The following VTI1A variants were observed in gnomAD, a reference collection of about 807,000 sequenced individuals.
VTI1A encodes the protein vesicle transport through interaction with t-SNAREs 1A, also known as vesicle transport through interaction with t-SNAREs homolog 1A.
In VTI1A, 22 loss-of-function variants were observed where a neutral mutation model predicts 34.9. The observed-to-expected ratio is 0.63, with a 90% CI of 0.45 to 0.90. VTI1A has a LOEUF of 0.90. Among genes scored for constraint, VTI1A ranks in the 40% least tolerant of loss-of-function variants. The pLI, the probability that VTI1A is intolerant of heterozygous loss-of-function variation, is 0.00. For missense variants in VTI1A, 268 were observed against 275.6 expected, an observed-to-expected ratio of 0.97 and a Z score of 0.20; for synonymous variants, 87 against 97.3, an observed-to-expected ratio of 0.89 and a Z score of 0.62.
chr10:112,582,233 C>G (rs921047733), intron 5 of VTI1A, among the ~76,000 whole-genome samples: 10 of 152,140 alleles, frequency 6.6e-5, no homozygotes, highest in Non-Finnish European at 1.5e-5. Flanking sequence ...CCTGTCTCTT[C>G]TTATGCGGGC....
At chr10:112,505,237 G>A (rs1849385818) in intron 3 of VTI1A, among the ~76,000 whole-genome samples, 1 of 151,972 alleles carries the variant, frequency 6.6e-6, no homozygotes, top group African/African-American at 2.4e-5. Flanking sequence ...GTTTAATCCT[G>A]TTTGTCTTGT....
chr10:112,684,391 A>G (rs562163384), intron 7 of VTI1A, among the ~76,000 whole-genome samples: 20 of 148,724 alleles, frequency 1.3e-4, no homozygotes, highest in Middle Eastern at 3.5e-3. Flanking sequence ...CATAAACTAT[A>G]TTATTTGCTT....
rs1259545227 is a variant in VTI1A at position 112,767,685 on chromosome 10, TTTTTTTTTTC to T, written c.561-47603_561-47594del. Among the ~76,000 whole-genome samples, 1 of 150,232 alleles carries T rather than the reference TTTTTTTTTTC, an allele frequency of 6.7e-6. No homozygotes were observed. The highest frequency in any genetic ancestry group is 1.5e-5 in the Non-Finnish European group (1 of 67,632). On this transcript the variant is annotated intron_variant, in intron 7 of 7. Coordinates refer to ENST00000393077, the MANE Select transcript of VTI1A (RefSeq NM_145206.4). The surrounding 1 kb of genome is among the most constrained non-coding windows in gnomAD (Gnocchi z 4.0). ...GCCTACCTTATTTCTTCCTTACTCT[TTTTTTTTTTC>T]TGTTTCTCTGTATTCTCCCAATTTT...
the VTI1A span, among the ~76,000 whole-genome samples, chr10:112,828,666 G>A: frequency 0.79 from 120,318 of 151,702 alleles, 47,815 homozygotes; most frequent in South Asian, 0.84. Context: ...CAGCCTCCCA[G>A]AGTTCTGGGA....
intron 3 of VTI1A, among the ~76,000 whole-genome samples, chr10:112,482,995 T>A (rs2290966): frequency 1.3e-5 from 2 of 151,758 alleles, no homozygotes; most frequent in Admixed American, 6.6e-5. Flanking sequence ...GCAGGGGAAA[T>A]AAAAAGAGAG....
rs1460591390 is a variant in VTI1A at position 112,464,539 on chromosome 10, T to C, written c.154-8T>C. On this transcript the variant is annotated splice_region_variant and splice_polypyrimidine_tract_variant and intron_variant, in intron 2 of 7. Coordinates refer to ENST00000393077, the MANE Select transcript of VTI1A (RefSeq NM_145206.4). ...GTTTTAAATCACATTTTTCTTTCCC[T>C]CTTCTAGCTTGAACAGATGGATTTG... The C allele has an allele frequency of 2.1e-5, 33 of 1,607,812 alleles. No homozygotes were observed. Among genetic ancestry groups the C allele is most frequent in the Non-Finnish European group, 2.7e-5 (32 of 1,176,294 alleles).
chr10:112,724,714 G>A (rs180923883), intron 7 of VTI1A, among the ~76,000 whole-genome samples: 18 of 148,382 alleles, frequency 1.2e-4, no homozygotes, highest in African/African-American at 4.5e-4. Context: ...TAAGGGTTGT[G>A]TTTTCATTAG....
chr10:112,791,383 G>A (rs916412375), intron 7 of VTI1A, among the ~76,000 whole-genome samples: 6 of 152,132 alleles, frequency 3.9e-5, no homozygotes, highest in Admixed American at 6.5e-5. Context: ...CCAGAGGGGG[G>A]TAGCACTGCT....
chr10:112,781,145 A>G (rs541541894), intron 7 of VTI1A, among the ~76,000 whole-genome samples: 110 of 151,750 alleles, frequency 7.2e-4, no homozygotes, highest in African/African-American at 2.5e-3. Context: ...GGGTTTCACC[A>G]TGTTACCCAG....
intron 7 of VTI1A, among the ~76,000 whole-genome samples, chr10:112,722,866 C>A (rs1192415211): frequency 6.6e-6 from 1 of 152,170 alleles, no homozygotes; most frequent in East Asian, 1.9e-4. Context: ...TGAGTCCAGG[C>A]AAAATCTGGA....
chr10:112,546,051 T>C (rs771725500), intron 5 of VTI1A, among the ~76,000 whole-genome samples: 4 of 151,036 alleles, frequency 2.6e-5, no homozygotes, highest in South Asian at 2.1e-4. Context: ...TGTATATACG[T>C]GTATACGCGT....
intron 5 of VTI1A, among the ~76,000 whole-genome samples, chr10:112,540,239 T>C (rs189928211): frequency 3.2e-4 from 49 of 152,356 alleles, no homozygotes; most frequent in African/African-American, 1.2e-3. Context: ...TGAATGGGAT[T>C]TGATAGTTAT....
At chr10:112,807,699 C>A (rs1853134979) in intron 7 of VTI1A, among the ~76,000 whole-genome samples, 1 of 151,816 alleles carries the variant, frequency 6.6e-6, no homozygotes, top group Non-Finnish European at 1.5e-5. Flanking sequence ...ACTAAAAACA[C>A]AAAATTAGCT....
intron 7 of VTI1A, among the ~76,000 whole-genome samples, chr10:112,678,979 G>GT (rs11411675): frequency 0.45 from 68,225 of 151,906 alleles, 17,512 homozygotes; most frequent in African/African-American, 0.7. Flanking sequence ...TTTCATTTTT[G>GT]TTTTTTTCTA....
intron 5 of VTI1A, among the ~76,000 whole-genome samples, chr10:112,617,224 G>C (rs1316348276): frequency 6.6e-6 from 1 of 152,184 alleles, no homozygotes. Context: ...CCACAAGACA[G>C]TAAATAGTAT....
intron 7 of VTI1A, among the ~76,000 whole-genome samples, chr10:112,808,072 G>T (rs1853150333): frequency 6.6e-6 from 1 of 151,848 alleles, no homozygotes; most frequent in African/African-American, 2.4e-5. Context: ...TTAAAAATTA[G>T]CCAGGTGCGG....
chr10:112,746,390 G>A (rs556451217), intron 7 of VTI1A, among the ~76,000 whole-genome samples: 6 of 152,154 alleles, frequency 3.9e-5, no homozygotes, highest in South Asian at 2.1e-4. Flanking sequence ...AGCCAGCAGC[G>A]ACCCTGCTTT....
At chr10:112,542,106 T>C (rs1850893005) in intron 5 of VTI1A, among the ~76,000 whole-genome samples, 1 of 152,232 alleles carries the variant, frequency 6.6e-6, no homozygotes, top group South Asian at 2.1e-4. Context: ...ATCTGCCCTT[T>C]ATTCTGAAAT....
At chr10:112,788,142 T>C (rs1016946933) in intron 7 of VTI1A, among the ~76,000 whole-genome samples, 2 of 152,100 alleles carry the variant, frequency 1.3e-5, no homozygotes, top group Non-Finnish European at 2.9e-5. Flanking sequence ...GTATGGTCTA[T>C]GTATGTTCTA....
Sources: gnomAD v4.1 joint callset for allele counts (sites outside exome capture counted in the v4.1 genomes callset) on GRCh38, gnomAD v4.1.1 for gene constraint, Gnocchi (gnomAD v3.1) non-coding constraint, MANE v1.5 for transcripts, NCBI Gene and HGNC (gene_info 2026-07-23, HGNC 2026-07-21) for gene names.